MAN2A1: variants seen among roughly 807,000 people sequenced by gnomAD.
MAN2A1 encodes mannosidase alpha class 2A member 1.
MAN2A1 carries 76 observed loss-of-function variants against 142.6 expected under a neutral mutation model. The observed-to-expected ratio is 0.53, with a 90% CI of 0.44 to 0.65. The LOEUF (loss-of-function observed/expected upper bound fraction) is 0.65, where lower values mean the gene tolerates loss of function less well. Ranked by LOEUF, MAN2A1 falls within the 30% of genes least tolerant of loss-of-function variation. The probability of loss-of-function intolerance (pLI) is 0.00; values close to 1 mark genes in which losing one functional copy is unlikely to be tolerated. For synonymous variants in MAN2A1, 559 were observed against 473.2 expected, an observed-to-expected ratio of 1.18 and a Z score of -2.35; for missense variants, 1,311 against 1,365.1, an observed-to-expected ratio of 0.96 and a Z score of 0.62.
chr5:109,741,208 G>A (rs1752258520), intron 4 of MAN2A1, among the ~76,000 whole-genome samples: 1 of 152,112 alleles, frequency 6.6e-6, no homozygotes, highest in African/African-American at 2.4e-5. Flanking sequence ...TGGTTTTATA[G>A]CCAGATTAGT....
chr5:109,720,690 A>G (rs1751576835), intron 3 of MAN2A1, among the ~76,000 whole-genome samples: 1 of 152,176 alleles, frequency 6.6e-6, no homozygotes, highest in African/African-American at 2.4e-5. Context: ...ATAAAATCGC[A>G]AAAAAATTTC....
intron 16 of MAN2A1, among the ~76,000 whole-genome samples, chr5:109,836,816 A>C (rs1255777801): frequency 2.0e-5 from 3 of 151,838 alleles, no homozygotes; most frequent in African/African-American, 7.3e-5. Context: ...GTCTCCATCC[A>C]CTCTTCAGGA....
intron 1 of MAN2A1, among the ~76,000 whole-genome samples, chr5:109,691,836 T>G (rs1194469085): frequency 6.6e-6 from 1 of 152,214 alleles, no homozygotes; most frequent in Non-Finnish European, 1.5e-5. Context: ...TGAGGGCATC[T>G]TTAAATCTTG....
chr5:109,797,699 G>A (rs927385837), intron 12 of MAN2A1, among the ~76,000 whole-genome samples: 8 of 152,040 alleles, frequency 5.3e-5, no homozygotes, highest in African/African-American at 1.9e-4. Context: ...GATGAAGAGG[G>A]ATAAGTGCTG....
chr5:109,817,125 C>A, intron 12 of MAN2A1, 148 bp from the exon 13 acceptor site: 1 of 686,266 alleles, frequency 1.5e-6, no homozygotes, highest in South Asian at 2.0e-5. Context: ...ATAATCTCCC[C>A]ACTGCACTCC....
At chr5:109,817,466 G>A in intron 13 of MAN2A1, 28 bp downstream of exon 13, 1 of 1,610,256 alleles carries the variant, frequency 6.2e-7, no homozygotes, top group Non-Finnish European at 8.5e-7. Context: ...AACTTAAGGA[G>A]GCATTGTAAA....
intron 4 of MAN2A1, among the ~76,000 whole-genome samples, chr5:109,740,593 A>G (rs747343091): frequency 7.2e-5 from 11 of 152,186 alleles, no homozygotes; most frequent in Non-Finnish European, 1.3e-4. Context: ...GCATGGGCAG[A>G]GAGACTTCTG....
intron 12 of MAN2A1, 116 bp from the exon 13 acceptor site, chr5:109,817,157 C>A: frequency 1.0e-6 from 1 of 959,982 alleles, no homozygotes; most frequent in Non-Finnish European, 1.5e-6. Context: ...CAGAGTGAGA[C>A]GCTATCTCAA....
chr5:109,868,761 G>T lies in MAN2A1; in HGVS notation c.*1763G>T, dbSNP rs1668595266. 6.6e-6 allele frequency: 1 copy of T among 152,084 alleles called. No homozygotes were observed. The highest frequency in any genetic ancestry group is 6.5e-5 in the Admixed American group (1 of 15,272). 9.4% of individuals were successfully genotyped at this position (152,084 alleles called of 1,614,324 possible). ...ATATTTTGGGAAAAAACTAAAAAAA[G>T]AAAAAGGACTTCCTTTTTGTGGACA... On this transcript the variant is annotated 3_prime_UTR_variant, in exon 22 of 22. Transcript: ENST00000261483.
At chr5:109,732,509 G>T (rs1751945374) in intron 4 of MAN2A1, among the ~76,000 whole-genome samples, 2 of 152,132 alleles carry the variant, frequency 1.3e-5, no homozygotes, top group South Asian at 4.1e-4. Context: ...TAACGTTTAA[G>T]TCTTTAATCC....
intron 4 of MAN2A1, among the ~76,000 whole-genome samples, chr5:109,735,974 G>A (rs963615447): frequency 6.7e-6 from 1 of 149,160 alleles, no homozygotes; most frequent in South Asian, 2.1e-4. Flanking sequence ...CCAGTACTGG[G>A]ATTAATTAAC....
At chr5:109,783,230 C>G (rs1280195765) in intron 9 of MAN2A1, among the ~76,000 whole-genome samples, 1 of 152,024 alleles carries the variant, frequency 6.6e-6, no homozygotes, top group East Asian at 1.9e-4. Context: ...TGCATTAAAA[C>G]AAACCAAAAA....
intron 19 of MAN2A1, among the ~76,000 whole-genome samples, chr5:109,852,156 A>T (rs1580317883): frequency 6.6e-6 from 1 of 152,062 alleles, no homozygotes; most frequent in East Asian, 1.9e-4. Flanking sequence ...AAAAAAAAAA[A>T]ACATTTTAAT....
chr5:109,796,146 T>C (rs1753855144), intron 12 of MAN2A1, among the ~76,000 whole-genome samples: 1 of 152,232 alleles, frequency 6.6e-6, no homozygotes, highest in Non-Finnish European at 1.5e-5. Context: ...CTGATAAATG[T>C]TGGCGAGATG....
chr5:109,765,462 G>A (rs1258654376), intron 5 of MAN2A1, among the ~76,000 whole-genome samples: 3 of 152,092 alleles, frequency 2.0e-5, no homozygotes, highest in African/African-American at 7.2e-5. Context: ...ATATCAGGAG[G>A]CATGTGATGT....
chr5:109,725,541 T>G (rs919040585), intron 3 of MAN2A1, among the ~76,000 whole-genome samples: 6 of 152,192 alleles, frequency 3.9e-5, no homozygotes, highest in African/African-American at 1.4e-4. Context: ...TAGACAGATT[T>G]CTGGACCCTG....
intron 4 of MAN2A1, among the ~76,000 whole-genome samples, chr5:109,734,029 A>G (rs1211236913): frequency 6.6e-6 from 1 of 152,028 alleles, no homozygotes; most frequent in South Asian, 2.1e-4. Flanking sequence ...GATTATTGCC[A>G]CAATTTCAGC....
Position 109,716,202 on chromosome 5 carries a change from C to G in MAN2A1, c.473C>G (p.Ser158Cys). 6.2e-7 allele frequency: 1 copy of G among 1,611,720 alleles called. No homozygotes were observed. The highest frequency in any genetic ancestry group is 8.5e-7 in the Non-Finnish European group (1 of 1,178,418). The change falls in exon 3 of 22, where the codon TCT becomes TGT. Residue 158 changes from serine (S) to cysteine (C), a missense_variant. By Grantham distance (112) the Ser-to-Cys change is moderately radical. This residue lies in a region of MAN2A1 where 409 missense variants were observed against 412.7 expected (regional missense o/e 0.99). Coordinates refer to ENST00000261483, the MANE Select transcript of MAN2A1 (RefSeq NM_002372.4). The part of the protein sequence containing the change: ...WKQGFDITYE[S>C]NEWDTEPLQV... ...CAAGGATTTGACATTACTTATGAATCTAATGAATGGGACACTGAACCCCTT... is the reference window on the plus strand; with the variant it reads ...CAAGGATTTGACATTACTTATGAATGTAATGAATGGGACACTGAACCCCTT...
chr5:109,824,585 A>C (rs911923856), intron 16 of MAN2A1, among the ~76,000 whole-genome samples: 11 of 152,234 alleles, frequency 7.2e-5, no homozygotes, highest in African/African-American at 2.4e-4. Context: ...AAAAGACCTC[A>C]TAAAAATGCC....
Sources: gnomAD v4.1 joint callset for allele counts (sites outside exome capture counted in the v4.1 genomes callset) on GRCh38, gnomAD v4.1.1 for gene constraint, gnomAD v4.1.1 regional missense constraint, MANE v1.5 for transcripts, NCBI Gene and HGNC (gene_info 2026-07-23, HGNC 2026-07-21) for gene names.